ZNF600: variants seen among roughly 807,000 people sequenced by gnomAD.
ZNF600 encodes zinc finger protein 600.
Under a neutral mutation model 7.3 loss-of-function variants are expected in ZNF600, and 4 were observed. That is an observed-to-expected ratio of 0.55 (90% confidence interval 0.27 to 1.25). The LOEUF (loss-of-function observed/expected upper bound fraction) is 1.25, where lower values mean the gene tolerates loss of function less well. Ranked by LOEUF, ZNF600 falls within the 50% of genes most tolerant of loss-of-function variation. The probability of loss-of-function intolerance (pLI) is 0.12; values close to 1 mark genes in which losing one functional copy is unlikely to be tolerated. For synonymous variants in ZNF600, 290 were observed against 308.9 expected (o/e 0.94, Z 0.64); for missense variants, 911 against 922.1 (o/e 0.99, Z 0.16).
the ZNF600 span, among the ~76,000 whole-genome samples, chr19:52,796,904 T>C: frequency 6.6e-6 from 1 of 152,244 alleles, no homozygotes; most frequent in Admixed American, 6.5e-5. Flanking sequence ...ATAACAGATT[T>C]GTACCATTTT....
the ZNF600 span, among the ~76,000 whole-genome samples, chr19:52,832,684 T>C: frequency 1.3e-5 from 2 of 152,164 alleles, no homozygotes; most frequent in African/African-American, 4.8e-5. Context: ...GGGGATTACT[T>C]GAGCCAAGGA....
intron 2 of ZNF600, among the ~76,000 whole-genome samples, chr19:52,778,579 T>C (rs2062695082): frequency 6.6e-6 from 1 of 152,128 alleles, no homozygotes; most frequent in African/African-American, 2.4e-5. Context: ...ACACCCCATG[T>C]TTATCCATGT....
the ZNF600 span, among the ~76,000 whole-genome samples, chr19:52,813,420 T>C: frequency 2.4e-4 from 35 of 147,144 alleles, 1 homozygote; most frequent in African/African-American, 8.4e-4. Flanking sequence ...TGCAAGCTGC[T>C]CCCCGTGTTT....
At chr19:52,812,985 G>A in the ZNF600 span, among the ~76,000 whole-genome samples, 2 of 151,296 alleles carry the variant, frequency 1.3e-5, no homozygotes, top group Non-Finnish European at 2.9e-5. Context: ...TTAATGCTTA[G>A]TAATAAAGTT....
chr19:52,767,373 G>T (rs1253718234), exon 4 of ZNF600: 1 of 1,613,996 alleles, frequency 6.2e-7, no homozygotes, highest in Non-Finnish European at 8.5e-7. Context: ...GGGCCTAGGA[G>T]AAATTCTTTG....
At chr19:52,801,629 C>T in the ZNF600 span, 131 of 1,613,862 alleles carry the variant, frequency 8.1e-5, no homozygotes, top group Middle Eastern at 1.6e-3. Flanking sequence ...TTTGCAATGT[C>T]CCTGTGTGGA....
chr19:52,824,154 CAAAAT>C, the ZNF600 span, among the ~76,000 whole-genome samples: 1 of 151,654 alleles, frequency 6.6e-6, no homozygotes, highest in Middle Eastern at 3.4e-3. Flanking sequence ...CGTCTCAAAA[CAAAAT>C]AAAACAAAAC....
At chr19:52,830,705 G>A in the ZNF600 span, among the ~76,000 whole-genome samples, 2 of 151,924 alleles carry the variant, frequency 1.3e-5, no homozygotes, top group East Asian at 3.9e-4. Flanking sequence ...GAGTAGTGTT[G>A]GAGGGGAGGG....
the ZNF600 span, among the ~76,000 whole-genome samples, chr19:52,817,338 C>G: frequency 6.6e-6 from 1 of 152,090 alleles, no homozygotes; most frequent in Non-Finnish European, 1.5e-5. Flanking sequence ...CGCCATTGCA[C>G]TCCAGCCTGG....
chr19:52,779,831 A>ATTACACAGGT (rs2062706078), intron 1 of ZNF600, among the ~76,000 whole-genome samples: 1 of 152,128 alleles, frequency 6.6e-6, no homozygotes, highest in Non-Finnish European at 1.5e-5. Flanking sequence ...ACTTGGGGTC[A>ATTACACAGGT]AGAGGTGGAC....
chr19:52,810,579 C>A, the ZNF600 span: 2 of 1,589,464 alleles, frequency 1.3e-6, no homozygotes, highest in Non-Finnish European at 1.7e-6. Flanking sequence ...CTTCCACGAG[C>A]CCGCTACCGC....
the ZNF600 span, among the ~76,000 whole-genome samples, chr19:52,820,378 A>G: frequency 7.2e-6 from 1 of 139,630 alleles, no homozygotes; most frequent in South Asian, 2.4e-4. Context: ...CGGCCTCCCA[A>G]AGTGCTGGGA....
At position 52,782,302 on chromosome 19, in the gene ZNF600, T is replaced by C. The variant is rs191181243; in HGVS notation, c.-19-3395A>G. 2.0e-3 allele frequency among the ~76,000 whole-genome samples: 305 copies of C among 152,018 alleles called. 1 individual carries two copies. Among genetic ancestry groups the C allele is most frequent in the African/African-American group, 7.2e-3 (297 of 41,470 alleles). On this transcript the variant is annotated intron_variant, in intron 1 of 3. Transcript: ENST00000648973. Reference sequence around the variant, plus strand: ...ACCTTGGGAAGCTGAGGCGGGAGGATCACCTGAGGTCAGGAGTTCAAGACC... The same window carrying C: ...ACCTTGGGAAGCTGAGGCGGGAGGACCACCTGAGGTCAGGAGTTCAAGACC...
the ZNF600 span, among the ~76,000 whole-genome samples, chr19:52,794,740 A>G: frequency 6.6e-6 from 1 of 152,092 alleles, no homozygotes; most frequent in Non-Finnish European, 1.5e-5. Context: ...CTGTGGTCTC[A>G]GCTATTTGGG....
At chr19:52,830,629 C>T in the ZNF600 span, among the ~76,000 whole-genome samples, 4 of 152,140 alleles carry the variant, frequency 2.6e-5, no homozygotes, top group East Asian at 7.7e-4. Flanking sequence ...GCCCTGCACA[C>T]ACTGATTTAA....
chr19:52,821,592 C>T, the ZNF600 span: 1 of 152,274 alleles, frequency 6.6e-6, no homozygotes, highest in South Asian at 2.1e-4. Context: ...TCACCGCCCG[C>T]CGCGGCGTCA....
chr19:52,817,898 T>A, the ZNF600 span: 1 of 1,609,070 alleles, frequency 6.2e-7, no homozygotes, highest in African/African-American at 1.3e-5. Flanking sequence ...GCCCAGCGTT[T>A]CTGAAAGGAA....
intron 3 of ZNF600, among the ~76,000 whole-genome samples, chr19:52,768,521 A>T (rs1342193707): frequency 6.6e-6 from 1 of 151,936 alleles, no homozygotes; most frequent in Non-Finnish European, 1.5e-5. Flanking sequence ...TCCACACAGG[A>T]CAGGCACTTA....
In ZNF600 at chr19:52,779,636, G is replaced by A. The variant is rs138595873; in HGVS notation, c.-19-729C>T. 1.5e-3 allele frequency among the ~76,000 whole-genome samples: 225 copies of A among 152,338 alleles called. 1 individual carries two copies. Among genetic ancestry groups the A allele is most frequent in the African/African-American group, 5.2e-3 (217 of 41,584 alleles). On this transcript the variant is annotated intron_variant, in intron 1 of 3. Transcript: ENST00000648973. ...GCCCCAACTCACTAAGCAAAAGGGA[G>A]AAGTCAAGCTGGGAACTGCTTAGTG...
Sources: gnomAD v4.1 joint callset for allele counts (sites outside exome capture counted in the v4.1 genomes callset) on GRCh38, gnomAD v4.1.1 for gene constraint, MANE v1.5 for transcripts, NCBI Gene and HGNC (gene_info 2026-07-23, HGNC 2026-07-21) for gene names.